MAST3: variants seen among roughly 807,000 people sequenced by gnomAD.
The protein encoded by MAST3 is microtubule-associated serine/threonine-protein kinase 3.
A neutral mutation model predicts 127.0 loss-of-function variants in MAST3; 43 were observed. The ratio of observed to expected loss-of-function variants is 0.34; its 90% CI spans 0.27 to 0.44. The LOEUF (loss-of-function observed/expected upper bound fraction) is 0.44. Among genes scored for constraint, MAST3 ranks in the 20% least tolerant of loss-of-function variants. The pLI is 1.00. For synonymous variants in MAST3, 785 were observed against 809.2 expected (o/e 0.97, Z 0.51); for missense variants, 1,390 against 1,919.1 (o/e 0.72, Z 5.15).
rs1366923146 is a variant in MAST3 at position 18,145,460 on chromosome 19, A to G, written c.3039+231A>G. Among the ~76,000 whole-genome samples the G allele has an allele frequency of 5.3e-5, 8 of 152,184 alleles. No homozygotes were observed. Among genetic ancestry groups the G allele is most frequent in the Admixed American group, 4.6e-4 (7 of 15,280 alleles). Reference sequence around the variant, plus strand: ...AGTGGCATTAACCTCCCAGCTCCATATGGGGACGCACTGGGCATGTTATCC... The same window carrying G: ...AGTGGCATTAACCTCCCAGCTCCATGTGGGGACGCACTGGGCATGTTATCC... On this transcript the variant is annotated intron_variant, in intron 24 of 27. Transcript: ENST00000687212. This position sits in a 1 kb window ranked among gnomAD's most constrained non-coding sequence, Gnocchi z 5.9.
At position 18,110,718 on chromosome 19, in the gene MAST3, C is replaced by T. The variant is rs746717498; in HGVS notation, c.138C>T (p.Pro46=). The T allele has an allele frequency of 1.7e-5, 17 of 986,020 alleles. No individual in the cohort carries two copies. The highest frequency in any genetic ancestry group is 2.0e-5 in the Non-Finnish European group (17 of 830,056). The allele number at this position is 986,020 out of a possible 1,614,324, so 61.1% of individuals were successfully genotyped here. A position where few individuals can be genotyped will look rare whatever the true frequency, so the allele number is the denominator to read the frequency against. The change falls in exon 3 of 28, where the codon CCC becomes CCT. Residue 46 remains proline, a synonymous_variant. Coordinates refer to ENST00000687212, the MANE Select transcript of MAST3 (RefSeq NM_001393504.1). This position sits in a 1 kb window ranked among gnomAD's most constrained non-coding sequence, Gnocchi z 4.3. ...GCAGCCCCTGCAGCCCCTGTAGCCCCTCCTTGGGCCTGCACCCCTGGAGGT... is the reference window on the plus strand; with the variant it reads ...GCAGCCCCTGCAGCCCCTGTAGCCCTTCCTTGGGCCTGCACCCCTGGAGGT... The part of the protein sequence containing the change: ...GPSSPCSPCS[P]SLGLHPWSCR...
rs2042957929 is a variant in MAST3, at chr19:18,145,772, G to A, written c.3069G>A (p.Glu1023=). ...TGGAGGACGGAAGCCCCGCCCAGGA[G>A]GCGGGCCTGCGGGCTGGGGACCTCA... is the stretch of plus-strand genomic sequence containing the variant. ...WSVEDGSPAQ[E]AGLRAGDLIT... is the part of the protein sequence containing the mutation. Residue 1023 remains glutamate (E), a synonymous_variant, in exon 25 of 28, where the codon GAG becomes GAA. Coordinates refer to ENST00000687212, the MANE Select transcript of MAST3 (RefSeq NM_001393504.1). The surrounding 1 kb of genome is among the most constrained non-coding windows in gnomAD (Gnocchi z 5.9). 1.3e-6 allele frequency: 2 copies of A among 1,587,578 alleles called. No homozygotes were observed. Among genetic ancestry groups the A allele is most frequent in the Non-Finnish European group, 8.5e-7 (1 of 1,170,196 alleles).
rs1395937953 is a variant in MAST3, at chr19:18,123,884, G to A, written c.634-55G>A. 1.0e-5 allele frequency: 15 copies of A among 1,476,330 alleles called. No homozygotes were observed. In the Admixed American group the frequency reaches 1.6e-4, roughly 16 times the overall value. The allele number at this position is 1,476,330 out of a possible 1,614,324, so 91.5% of individuals were successfully genotyped here. On this transcript the variant is annotated intron_variant, in intron 8 of 27. Coordinates refer to ENST00000687212, the MANE Select transcript of MAST3 (RefSeq NM_001393504.1). ...CCATGCCTCTCCTGCCCCATTCTGCGTGTGTCACTCCAGCCCCGCCCTCTG... is the reference window on the plus strand; with the variant it reads ...CCATGCCTCTCCTGCCCCATTCTGCATGTGTCACTCCAGCCCCGCCCTCTG...
At chr19:18,107,505 G>A (rs1178157093) in intron 1 of MAST3, 82 bp from the exon 2 acceptor site, 6 of 1,344,694 alleles carry the variant, frequency 4.5e-6, no homozygotes, top group Non-Finnish European at 6.4e-6. Context: ...CATGGGATTG[G>A]GGATTGTGGG....
chr19:18,101,204 A>G (rs1349492348), intron 1 of MAST3, among the ~76,000 whole-genome samples: 1 of 152,220 alleles, frequency 6.6e-6, no homozygotes, highest in Non-Finnish European at 1.5e-5. Context: ...AGGTCCCACA[A>G]ACAGAGCATC....
Position 18,147,592 on chromosome 19 carries a change from C to T in MAST3, c.3476C>T (p.Pro1159Leu). 6.4e-7 allele frequency: 1 copy of T among 1,565,702 alleles called. No homozygotes were observed. Among genetic ancestry groups the T allele is most frequent in the South Asian group, 1.2e-5 (1 of 85,346 alleles). Reference sequence around the variant, plus strand: ...AGCCTCTCCCCCAGCCCCACCACTCCCTGCCGAAGCCCAGCCCCTGATGTC... The same window carrying T: ...AGCCTCTCCCCCAGCCCCACCACTCTCTGCCGAAGCCCAGCCCCTGATGTC... ...THSLSPSPTTPCRSPAPDVPA... is the reference protein window; with the variant it reads ...THSLSPSPTTLCRSPAPDVPA... Residue 1159 changes from proline (P) to leucine (L), a missense_variant, in exon 27 of 28, where the codon CCC becomes CTC. Pro to Leu is a moderately conservative substitution (Grantham distance 98, BLOSUM62 -3). This residue lies in a region of MAST3 where 816 missense variants were observed against 934.1 expected (regional missense o/e 0.87). Transcript: ENST00000687212.
At chr19:18,147,364 A>T in intron 26 of MAST3, 79 bp from the exon 27 acceptor site, 1 of 1,337,634 alleles carries the variant, frequency 7.5e-7, no homozygotes, top group South Asian at 1.2e-5. Flanking sequence ...CGGCCTCTGA[A>T]AGTGCTGGGA....
intron 3 of MAST3, among the ~76,000 whole-genome samples, chr19:18,114,953 C>T (rs190232767): frequency 1.1e-4 from 17 of 152,182 alleles, no homozygotes; most frequent in South Asian, 4.1e-4. Flanking sequence ...GACCGTTGAA[C>T]GGGGGTGTCT....
chr19:18,109,097 G>GA (rs1356282716), intron 2 of MAST3, among the ~76,000 whole-genome samples: 2 of 152,188 alleles, frequency 1.3e-5, no homozygotes, highest in African/African-American at 4.8e-5. Context: ...GAAGTCTGGG[G>GA]AGAATGGCAT....
At chr19:18,136,641 G>A (rs1289684268) in intron 18 of MAST3, among the ~76,000 whole-genome samples, 8 of 152,040 alleles carry the variant, frequency 5.3e-5, no homozygotes, top group Non-Finnish European at 1.2e-4. Context: ...TGCCCAGGCT[G>A]GTCTCAAACT....
At position 18,144,947 on chromosome 19, in the gene MAST3, G is replaced by A; in HGVS notation, c.2813-56G>A. On this transcript the variant is annotated intron_variant, in intron 23 of 27. Coordinates refer to ENST00000687212, the MANE Select transcript of MAST3 (RefSeq NM_001393504.1). This position sits in a 1 kb window ranked among gnomAD's most constrained non-coding sequence, Gnocchi z 4.0. ...GGTGGTCGTTGTGGTGGGAAAGAGG[G>A]GGCCCCAGGGGAGACCTGTGAGGGA... The A allele has an allele frequency of 4.8e-6, 5 of 1,038,984 alleles. No homozygotes were observed. The highest frequency in any genetic ancestry group is 7.3e-6 in the Non-Finnish European group (5 of 685,602). The allele number at this position is 1,038,984 out of a possible 1,614,324, so 64.4% of individuals were successfully genotyped here. A position where few individuals can be genotyped will look rare whatever the true frequency, so the allele number is the denominator to read the frequency against.
rs758669312 is a variant in MAST3, at chr19:18,144,517, C to T, written c.2636C>T (p.Ala879Val). Residue 879 changes from alanine to valine, a missense_variant, in exon 23 of 28, where the codon GCC becomes GTC. Coordinates refer to ENST00000687212, the MANE Select transcript of MAST3 (RefSeq NM_001393504.1). The surrounding 1 kb of genome is among the most constrained non-coding windows in gnomAD (Gnocchi z 4.0). The stretch of plus-strand genomic sequence containing the variant: ...CGCCTACGGAGCAATAGCATCGGCG[C>T]CCGACACTCCACACCAAGGCCTCTG... ...HARLRSNSIG[A>V]RHSTPRPLDA... 11 of 1,608,578 alleles carry T rather than the reference C, an allele frequency of 6.8e-6. No individual in the cohort carries two copies. The Admixed American group carries it at 1.5e-4, about 22-fold the overall frequency.
At chr19:18,142,760 C>G (rs996792287) in intron 21 of MAST3, among the ~76,000 whole-genome samples, 3 of 151,294 alleles carry the variant, frequency 2.0e-5, no homozygotes, top group Middle Eastern at 3.4e-3. Context: ...CTCAAGAGAT[C>G]CTCTCAAGTA....
intron 3 of MAST3, among the ~76,000 whole-genome samples, chr19:18,116,931 C>G (rs867307134): frequency 1.4e-5 from 2 of 142,338 alleles, no homozygotes; most frequent in African/African-American, 5.2e-5. Context: ...AAAAATTTGT[C>G]TCTTTAGCTA....
intron 14 of MAST3, among the ~76,000 whole-genome samples, chr19:18,131,310 C>T (rs1383156300): frequency 6.6e-6 from 1 of 151,898 alleles, no homozygotes; most frequent in South Asian, 2.1e-4. Context: ...ACTCTAGAGG[C>T]GGAGCTTGCA....
intron 3 of MAST3, among the ~76,000 whole-genome samples, chr19:18,116,297 T>A (rs1185044603): frequency 3.3e-5 from 5 of 150,932 alleles, no homozygotes; most frequent in South Asian, 4.2e-4. Context: ...TTTTTATTTT[T>A]TTTTATTTTT....
rs376947813 is a variant in MAST3, at chr19:18,128,846, A to C, written c.1138-20A>C. On this transcript the variant is annotated intron_variant, in intron 12 of 27. Transcript: ENST00000687212. Reference sequence around the variant, plus strand: ...CAGCTCTGCAGCGGGGCAGGACCCTAAGCCCTTCCCATCCCCTAGAGCCGC... The same window carrying C: ...CAGCTCTGCAGCGGGGCAGGACCCTCAGCCCTTCCCATCCCCTAGAGCCGC... 8.6e-5 allele frequency: 137 copies of C among 1,598,928 alleles called. No homozygotes were observed. Among genetic ancestry groups the C allele is most frequent in the Non-Finnish European group, 1.1e-4 (131 of 1,168,272 alleles).
In MAST3 at chr19:18,110,225, C is replaced by T. The variant is rs2038427699; in HGVS notation, c.72-427C>T. On this transcript the variant is annotated intron_variant, in intron 2 of 27. Transcript: ENST00000687212. This position sits in a 1 kb window ranked among gnomAD's most constrained non-coding sequence, Gnocchi z 4.3. ...GGCGTCTGTCCCTGCGTCCGTGTGT[C>T]CGTCCGTCGGTCCGCTCGCGCCACG... 1 of 985,386 alleles carries T rather than the reference C, an allele frequency of 1.0e-6. No individual in the cohort carries two copies. The highest frequency in any genetic ancestry group is 4.7e-5 in the South Asian group (1 of 21,300). The allele number at this position is 985,386 out of a possible 1,614,324, so 61.0% of individuals were successfully genotyped here.
chr19:18,143,215 C>T (rs1286069204), intron 21 of MAST3, among the ~76,000 whole-genome samples: 1 of 152,054 alleles, frequency 6.6e-6, no homozygotes, highest in Non-Finnish European at 1.5e-5. Flanking sequence ...CCTCCTGTCT[C>T]AGCCTCCCAA....
Sources: allele counts gnomAD v4.1 joint callset (sites outside exome capture counted in the v4.1 genomes callset), GRCh38; gene constraint gnomAD v4.1.1; regional missense constraint gnomAD v4.1.1; non-coding constraint Gnocchi (gnomAD v3.1); transcripts MANE v1.5; gene names NCBI Gene and HGNC (gene_info 2026-07-23, HGNC 2026-07-21).